GRM8: variants seen among roughly 807,000 people sequenced by gnomAD.
The protein encoded by GRM8 is glutamate metabotropic receptor 8.
GRM8 carries 47 observed loss-of-function variants against 87.2 expected under a neutral mutation model. The observed-to-expected ratio is 0.54, with a 90% CI of 0.43 to 0.69. GRM8 has a LOEUF of 0.69. GRM8 is among the 30% of genes least tolerant of loss of function. GRM8 has a pLI of 0.00. For synonymous variants in GRM8, 396 were observed against 404.5 expected, an observed-to-expected ratio of 0.98 and a Z score of 0.25; for missense variants, 1,019 against 1,139.2, an observed-to-expected ratio of 0.89 and a Z score of 1.52.
At chr7:126,803,463 G>T (rs78625590) in intron 6 of GRM8, among the ~76,000 whole-genome samples, 3,088 of 152,220 alleles carry the variant, frequency 0.02, 103 homozygotes, top group African/African-American at 0.066. Flanking sequence ...GAGAAGCAAG[G>T]TTCTCTTTTC....
intron 9 of GRM8, among the ~76,000 whole-genome samples, chr7:126,453,225 C>T (rs1274786801): frequency 6.6e-6 from 1 of 151,698 alleles, no homozygotes; most frequent in African/African-American, 2.4e-5. Flanking sequence ...AAATCACCGT[C>T]CTGAGTGTTG....
chr7:126,706,337 A>C (rs1475797520), intron 7 of GRM8, among the ~76,000 whole-genome samples: 1 of 151,842 alleles, frequency 6.6e-6, no homozygotes, highest in Non-Finnish European at 1.5e-5. Flanking sequence ...CCAGCTGGAG[A>C]CCCAGGAGTG....
intron 2 of GRM8, among the ~76,000 whole-genome samples, chr7:127,172,707 T>C (rs1005376227): frequency 9.3e-6 from 1 of 107,476 alleles, no homozygotes; most frequent in Non-Finnish European, 1.9e-5. Flanking sequence ...AGACTCCGTC[T>C]CAAAAAAAAA....
rs189209116 is a variant in GRM8, at chr7:126,809,512, C to T, written c.1157-39447G>A. Among the ~76,000 whole-genome samples the T allele has an allele frequency of 1.4e-3, 212 of 152,210 alleles. 5 individuals are homozygous for T. The South Asian group carries it at 0.032, about 23-fold the overall frequency. ...AAGGACTTAAACCTATAGATAAAAG[C>T]CTTATATCAAAGACCTTCCCATACT... On this transcript the variant is annotated intron_variant, in intron 6 of 10. Transcript: ENST00000339582.
chr7:126,825,667 C>A (rs1794696750), intron 6 of GRM8, among the ~76,000 whole-genome samples: 1 of 152,002 alleles, frequency 6.6e-6, no homozygotes, highest in Non-Finnish European at 1.5e-5. Context: ...CTTCAATTGA[C>A]AACTTACAAT....
intron 7 of GRM8, among the ~76,000 whole-genome samples, chr7:126,766,030 T>C (rs1445260973): frequency 1.3e-5 from 2 of 152,160 alleles, no homozygotes; most frequent in South Asian, 2.1e-4. Flanking sequence ...CTTTAGTTAG[T>C]TATTTTTTAA....
rs539291849 is a variant in GRM8, at chr7:126,849,672, C to T, written c.1156+52870G>A. ...TCAAATATTTCCTCTCCTATCCTCACTGTCAGCTGATGATCTTGCATCCCC... is the reference window on the plus strand; with the variant it reads ...TCAAATATTTCCTCTCCTATCCTCATTGTCAGCTGATGATCTTGCATCCCC... On this transcript the variant is annotated intron_variant, in intron 6 of 10. Transcript: ENST00000339582. 7.2e-5 allele frequency among the ~76,000 whole-genome samples: 11 copies of T among 152,270 alleles called. No homozygotes were observed. The South Asian group carries it at 1.9e-3, about 26-fold the overall frequency.
At chr7:127,061,128 A>C (rs1453631669) in intron 3 of GRM8, among the ~76,000 whole-genome samples, 1 of 152,220 alleles carries the variant, frequency 6.6e-6, no homozygotes, top group East Asian at 1.9e-4. Flanking sequence ...AGGACTCCTA[A>C]GATTCACATG....
intron 2 of GRM8, among the ~76,000 whole-genome samples, chr7:127,118,640 A>G (rs1826845366): frequency 6.6e-6 from 1 of 152,216 alleles, no homozygotes; most frequent in African/African-American, 2.4e-5. Flanking sequence ...CTAAACCATA[A>G]TCTGGAGAAG....
At chr7:126,704,533 G>A (rs962628369) in intron 7 of GRM8, among the ~76,000 whole-genome samples, 6 of 152,134 alleles carry the variant, frequency 3.9e-5, no homozygotes, top group Non-Finnish European at 5.9e-5. Flanking sequence ...TGAGCCGGGC[G>A]GAACAGAGCC....
chr7:126,876,389 T>C (rs2130944143), intron 6 of GRM8, among the ~76,000 whole-genome samples: 1 of 152,332 alleles, frequency 6.6e-6, no homozygotes, highest in South Asian at 2.1e-4. Context: ...AAGATTTATA[T>C]TGACCAGTAT....
chr7:127,151,592 G>A (rs983414565), intron 2 of GRM8, among the ~76,000 whole-genome samples: 1 of 152,020 alleles, frequency 6.6e-6, no homozygotes, highest in Non-Finnish European at 1.5e-5. Flanking sequence ...TGCAACATCT[G>A]CCTTTCATTA....
chr7:126,956,301 AC>A (rs1808675189), intron 3 of GRM8, among the ~76,000 whole-genome samples: 1 of 152,228 alleles, frequency 6.6e-6, no homozygotes, highest in South Asian at 2.1e-4. Context: ...TTGTGGAATT[AC>A]AAGGATCCAC....
intron 2 of GRM8, among the ~76,000 whole-genome samples, chr7:127,198,800 A>T (rs1795430260): frequency 6.6e-6 from 1 of 150,740 alleles, no homozygotes; most frequent in East Asian, 1.9e-4. Flanking sequence ...TCAGCTTCCC[A>T]AGTAGCTGAG....
At chr7:126,958,543 G>A (rs1346896215) in intron 3 of GRM8, among the ~76,000 whole-genome samples, 1 of 152,150 alleles carries the variant, frequency 6.6e-6, no homozygotes, top group Non-Finnish European at 1.5e-5. Context: ...CGCAGTGGCT[G>A]GATCCAACGC....
intron 3 of GRM8, among the ~76,000 whole-genome samples, chr7:126,946,202 TAGAAA>T (rs1807518559): frequency 6.6e-6 from 1 of 152,190 alleles, no homozygotes; most frequent in Non-Finnish European, 1.5e-5. Context: ...TAAACACTCT[TAGAAA>T]AAGTCTGGAC....
chr7:127,238,183 G>A (rs768297187), intron 2 of GRM8, among the ~76,000 whole-genome samples: 7 of 151,994 alleles, frequency 4.6e-5, no homozygotes, highest in Admixed American at 1.3e-4. Context: ...CTATTCTACC[G>A]TTACATGTCA....
chr7:127,191,098 G>T (rs571284385), intron 2 of GRM8, among the ~76,000 whole-genome samples: 18 of 152,156 alleles, frequency 1.2e-4, no homozygotes, highest in Admixed American at 3.9e-4. Flanking sequence ...CATTTAACAG[G>T]TTTGACAAAA....
At chr7:126,481,465 C>T (rs1563055276) in intron 9 of GRM8, among the ~76,000 whole-genome samples, 2 of 151,914 alleles carry the variant, frequency 1.3e-5, no homozygotes, top group African/African-American at 4.8e-5. Context: ...AAACATATTA[C>T]TGCATATTAG....
Sources: allele counts gnomAD v4.1 joint callset (sites outside exome capture counted in the v4.1 genomes callset), GRCh38; gene constraint gnomAD v4.1.1; transcripts MANE v1.5; gene names NCBI Gene and HGNC (gene_info 2026-07-23, HGNC 2026-07-21).